KLHL1: variants seen among roughly 807,000 people sequenced by gnomAD.
The protein encoded by KLHL1 is kelch-like protein 1.
Under a neutral mutation model 77.7 loss-of-function variants are expected in KLHL1, and 47 were observed. That is an observed-to-expected ratio of 0.60 (90% confidence interval 0.48 to 0.77). KLHL1 has a LOEUF of 0.77. KLHL1 is among the 30% of genes least tolerant of loss of function. KLHL1 has a pLI of 0.00. For synonymous variants in KLHL1, 360 were observed against 325.2 expected (o/e 1.11, Z -1.15); for missense variants, 925 against 910.8 (o/e 1.02, Z -0.20).
chr13:69,921,574 C>T (rs1048840427), intron 4 of KLHL1, among the ~76,000 whole-genome samples: 1 of 152,192 alleles, frequency 6.6e-6, no homozygotes, highest in African/African-American at 2.4e-5. Context: ...ATTGTGAAGA[C>T]AAACCTTCAA....
At position 69,718,367 on chromosome 13, in the gene KLHL1, G is replaced by T. The variant is rs996806997; in HGVS notation, c.2015+1002C>A. The stretch of plus-strand genomic sequence containing the variant: ...TCAGTGAAAAATTTACTACTCTCTG[G>T]CTTTTTCCTTTTGACATAGAGACCA... On this transcript the variant is annotated intron_variant, in intron 9 of 10. Transcript: ENST00000377844. Among the ~76,000 whole-genome samples, 5 of 151,620 alleles carry T rather than the reference G, an allele frequency of 3.3e-5. No homozygotes were observed. The East Asian group carries it at 9.8e-4, about 30-fold the overall frequency.
chr13:69,759,126 G>T (rs1056415943), intron 7 of KLHL1, among the ~76,000 whole-genome samples: 6 of 151,934 alleles, frequency 3.9e-5, no homozygotes, highest in African/African-American at 1.4e-4. Flanking sequence ...GAGGAAGATG[G>T]GTCTATATTA....
intron 4 of KLHL1, among the ~76,000 whole-genome samples, chr13:69,938,795 A>T (rs537597939): frequency 6.6e-6 from 1 of 152,198 alleles, no homozygotes; most frequent in South Asian, 2.1e-4. Context: ...TCTTCCTTTT[A>T]TTTCTATATT....
rs1237100844 is a variant in KLHL1 at position 69,901,787 on chromosome 13, C to CTTTT, written c.1015-19296_1015-19293dup. ...TGAGTTTTTCATTTTCTTTCTTTTT[C>CTTTT]TTTTTTTCTTTTTTTTTTTTTTTTT... On this transcript the variant is annotated intron_variant, in intron 4 of 10. Coordinates refer to ENST00000377844, the MANE Select transcript of KLHL1 (RefSeq NM_020866.3). Among the ~76,000 whole-genome samples the CTTTT allele has an allele frequency of 1.1e-3, 89 of 80,140 alleles. 4 individuals are homozygous for CTTTT. Among genetic ancestry groups the CTTTT allele is most frequent in the Non-Finnish European group, 1.2e-3 (49 of 40,714 alleles). 52.6% of individuals were successfully genotyped at this position (80,140 alleles called of 152,430 possible). A position where few individuals can be genotyped will look rare whatever the true frequency, so the allele number is the denominator to read the frequency against.
At chr13:69,939,340 CATATATATATATATATATAT>C (rs34074889) in intron 4 of KLHL1, among the ~76,000 whole-genome samples, 15 of 60,846 alleles carry the variant, frequency 2.5e-4, no homozygotes, top group African/African-American at 3.4e-4. Context: ...CATATACATA[CATATATATATATATATATAT>C]ATATATATAT....
At chr13:69,832,761 A>G (rs146541523) in intron 6 of KLHL1, among the ~76,000 whole-genome samples, 11 of 152,270 alleles carry the variant, frequency 7.2e-5, no homozygotes, top group Non-Finnish European at 1.6e-4. Flanking sequence ...AAATAGGCAC[A>G]CAGACAAATA....
At chr13:69,768,374 G>C (rs2137977481) in intron 7 of KLHL1, among the ~76,000 whole-genome samples, 1 of 152,190 alleles carries the variant, frequency 6.6e-6, no homozygotes, top group South Asian at 2.1e-4. Context: ...TTTGGACCTA[G>C]TGGACATTCA....
At chr13:69,786,758 T>C (rs571780427) in intron 7 of KLHL1, among the ~76,000 whole-genome samples, 148 of 152,186 alleles carry the variant, frequency 9.7e-4, no homozygotes, top group African/African-American at 3.4e-3. Context: ...CTAGAAAACC[T>C]CACTGTCTCA....
intron 9 of KLHL1, among the ~76,000 whole-genome samples, chr13:69,713,079 C>T (rs1875957275): frequency 6.6e-6 from 1 of 152,114 alleles, no homozygotes; most frequent in East Asian, 1.9e-4. Context: ...ATCCACCTGA[C>T]TTGGCTTCCC....
chr13:69,747,608 A>G (rs2137941954), intron 7 of KLHL1, among the ~76,000 whole-genome samples: 1 of 152,118 alleles, frequency 6.6e-6, no homozygotes, highest in Admixed American at 6.6e-5. Context: ...CATGAAAGAG[A>G]ATATATATAA....
intron 1 of KLHL1, among the ~76,000 whole-genome samples, chr13:69,983,268 C>T (rs1350449121): frequency 6.6e-6 from 1 of 151,866 alleles, no homozygotes; most frequent in East Asian, 1.9e-4. Context: ...ATGCTCATAC[C>T]ACCTACAGTG....
Position 69,961,214 on chromosome 13 carries a change from AAT to A in KLHL1, c.817+92_817+93del, listed in dbSNP as rs1470215097. The A allele has an allele frequency of 8.6e-5, 102 of 1,185,956 alleles. 1 individual carries two copies. Among genetic ancestry groups the A allele is most frequent in the South Asian group, 2.3e-4 (14 of 61,486 alleles). 73.5% of individuals were successfully genotyped at this position (1,185,956 alleles called of 1,614,324 possible). The stretch of plus-strand genomic sequence containing the variant: ...TCAACTGAAAAGATACAGAATACAG[AAT>A]TTTTTTTAAAAAAGCGTTAAATCCT... On this transcript the variant is annotated intron_variant, in intron 3 of 10. Coordinates refer to ENST00000377844, the MANE Select transcript of KLHL1 (RefSeq NM_020866.3).
intron 1 of KLHL1, among the ~76,000 whole-genome samples, chr13:70,058,046 A>G (rs983138962): frequency 4.6e-5 from 7 of 152,128 alleles, no homozygotes; most frequent in African/African-American, 1.4e-4. Context: ...ACATCCCTTC[A>G]TGAAAATAAA....
chr13:69,789,268 A>C (rs1876738328), intron 7 of KLHL1, among the ~76,000 whole-genome samples: 2 of 139,190 alleles, frequency 1.4e-5, no homozygotes, highest in African/African-American at 5.3e-5. Flanking sequence ...AAATTATTTT[A>C]CATGTCTGTC....
intron 8 of KLHL1, among the ~76,000 whole-genome samples, chr13:69,739,357 T>G (rs1873891144): frequency 6.6e-6 from 1 of 152,092 alleles, no homozygotes; most frequent in Non-Finnish European, 1.5e-5. Flanking sequence ...GTCTGCAAAA[T>G]AACCAGACAG....
chr13:69,885,001 C>T (rs1378349279), intron 4 of KLHL1, among the ~76,000 whole-genome samples: 24 of 129,362 alleles, frequency 1.9e-4, no homozygotes, highest in South Asian at 1.3e-3. Flanking sequence ...ACTGCAGTGG[C>T]GCAATCTCGG....
At chr13:70,088,780 A>AT (rs1412003890) in intron 1 of KLHL1, among the ~76,000 whole-genome samples, 5 of 151,974 alleles carry the variant, frequency 3.3e-5, no homozygotes, top group Non-Finnish European at 7.4e-5. Flanking sequence ...CATATTAGAC[A>AT]TTTTTCTCAT....
At chr13:69,847,139 A>G (rs1879494782) in intron 5 of KLHL1, among the ~76,000 whole-genome samples, 1 of 151,468 alleles carries the variant, frequency 6.6e-6, no homozygotes, top group African/African-American at 2.4e-5. Flanking sequence ...AACTTTTACA[A>G]TACTATCATA....
At chr13:69,775,494 G>T (rs1875780960) in intron 7 of KLHL1, among the ~76,000 whole-genome samples, 1 of 152,054 alleles carries the variant, frequency 6.6e-6, no homozygotes, top group South Asian at 2.1e-4. Context: ...TATGACAATT[G>T]TTTAAGATAT....
Sources: gnomAD v4.1 joint callset for allele counts (sites outside exome capture counted in the v4.1 genomes callset) on GRCh38, gnomAD v4.1.1 for gene constraint, MANE v1.5 for transcripts, NCBI Gene and HGNC (gene_info 2026-07-23, HGNC 2026-07-21) for gene names.